The following KLRB1 variants were observed in gnomAD, a reference collection of about 807,000 sequenced individuals.
KLRB1 encodes the protein killer cell lectin-like receptor subfamily B member 1.
A neutral mutation model predicts 33.5 loss-of-function variants in KLRB1; 27 were observed. The observed-to-expected ratio is 0.81, with a 90% CI of 0.59 to 1.11. The LOEUF is 1.11. Ranked by LOEUF, KLRB1 falls within the 50% of genes most tolerant of loss-of-function variation. The pLI is 0.00. For missense variants in KLRB1, 241 were observed against 254.1 expected (o/e 0.95, Z 0.35); for synonymous variants, 64 against 88.9 (o/e 0.72, Z 1.58).
intron 1 of KLRB1, 42 bp from the exon 2 acceptor site, chr12:9,601,641 C>T (rs1591656960): frequency 3.4e-6 from 5 of 1,455,638 alleles, no homozygotes; most frequent in Non-Finnish European, 3.8e-6. Context: ...AACAAACAAA[C>T]GAAACAAAAA....
At chr12:9,605,083 C>T (rs57984884) in intron 1 of KLRB1, among the ~76,000 whole-genome samples, 19,126 of 152,110 alleles carry the variant, frequency 0.13, 1,345 homozygotes, top group African/African-American at 0.17. Context: ...TGAGAATATG[C>T]GGTGTTTGGC....
intron 1 of KLRB1, among the ~76,000 whole-genome samples, chr12:9,607,254 T>TTTTC (rs1301284954): frequency 1.4e-5 from 2 of 146,240 alleles, no homozygotes; most frequent in East Asian, 2.1e-4. Context: ...CTCCTTCTCT[T>TTTTC]TTTCTTTCTT....
At chr12:9,606,064 C>T (rs1864595694) in intron 1 of KLRB1, among the ~76,000 whole-genome samples, 1 of 152,158 alleles carries the variant, frequency 6.6e-6, no homozygotes, top group Non-Finnish European at 1.5e-5. Context: ...TTAGAACCCT[C>T]TGATTTCCTC....
intron 1 of KLRB1, among the ~76,000 whole-genome samples, chr12:9,607,335 C>CCTTTCTTTCTTTCTTCCTTTCTTT (rs1565444534): frequency 2.9e-4 from 19 of 65,162 alleles, no homozygotes; most frequent in East Asian, 6.3e-4. Context: ...CTCTTTCTTT[C>CCTTTCTTTCTTTCTTCCTTTCTTT]CTTTCTTTCT....
intron 1 of KLRB1, among the ~76,000 whole-genome samples, chr12:9,607,002 C>G (rs1159668999): frequency 6.6e-6 from 1 of 151,772 alleles, no homozygotes; most frequent in African/African-American, 2.4e-5. Context: ...AGCAAATCAC[C>G]TTAGCCTACC....
chr12:9,597,094 T>G (rs1205756514), intron 5 of KLRB1, among the ~76,000 whole-genome samples: 1 of 152,186 alleles, frequency 6.6e-6, no homozygotes, highest in African/African-American at 2.4e-5. Flanking sequence ...TTTCTTTCAG[T>G]GTTTAATACT....
At chr12:9,597,912 T>C (rs1864506305) in intron 5 of KLRB1, 134 bp downstream of exon 5, 3 of 562,418 alleles carry the variant, frequency 5.3e-6, no homozygotes, top group African/African-American at 2.0e-5. Context: ...AAATCATCCA[T>C]GTTCTTAGCC....
intron 1 of KLRB1, among the ~76,000 whole-genome samples, chr12:9,604,969 C>A (rs1183342540): frequency 1.3e-5 from 2 of 152,196 alleles, no homozygotes; most frequent in East Asian, 3.9e-4. Context: ...GGTATTTCTC[C>A]TAGTGCTATC....
At chr12:9,600,134 T>C (rs10771925) in intron 2 of KLRB1, among the ~76,000 whole-genome samples, 55,697 of 152,028 alleles carry the variant, frequency 0.37, 11,406 homozygotes, top group South Asian at 0.53. Flanking sequence ...GCCTACAGTC[T>C]CACCTGAACT....
At chr12:9,607,319 T>TC in intron 1 of KLRB1, among the ~76,000 whole-genome samples, 2 of 116,794 alleles carry the variant, frequency 1.7e-5, no homozygotes, top group Non-Finnish European at 3.7e-5. Flanking sequence ...CTTTCTTCTT[T>TC]TCTTTCTCTT....
intron 2 of KLRB1, among the ~76,000 whole-genome samples, chr12:9,600,218 T>A (rs1864526397): frequency 6.6e-6 from 1 of 152,188 alleles, no homozygotes; most frequent in Admixed American, 6.5e-5. Flanking sequence ...GGAATTTTAG[T>A]AAGTACATTA....
At chr12:9,600,888 G>A (rs1321467033) in intron 2 of KLRB1, among the ~76,000 whole-genome samples, 2 of 152,062 alleles carry the variant, frequency 1.3e-5, no homozygotes, top group South Asian at 2.1e-4. Flanking sequence ...CACCCGTAAA[G>A]GTTCTGTGCT....
In KLRB1 at chr12:9,595,441, T is replaced by C; in HGVS notation, c.531-20A>G. 1 of 1,608,782 alleles carries C rather than the reference T, an allele frequency of 6.2e-7. No homozygotes were observed. Among genetic ancestry groups the C allele is most frequent in the Non-Finnish European group, 8.5e-7 (1 of 1,178,532 alleles). ...TCTAAGCTGTGGAGCAAAAGAAAAGTCTGTCTTAGCATTTATGATTTTCTC... is the reference window on the plus strand; with the variant it reads ...TCTAAGCTGTGGAGCAAAAGAAAAGCCTGTCTTAGCATTTATGATTTTCTC... On this transcript the variant is annotated intron_variant, in intron 5 of 5. Coordinates refer to ENST00000229402, the MANE Select transcript of KLRB1 (RefSeq NM_002258.3).
At chr12:9,606,060 C>G (rs1864595638) in intron 1 of KLRB1, among the ~76,000 whole-genome samples, 1 of 152,104 alleles carries the variant, frequency 6.6e-6, no homozygotes, top group Admixed American at 6.6e-5. Context: ...GTTATTAGAA[C>G]CCTCTGATTT....
Position 9,595,047 on chromosome 12 carries a change from T to C in KLRB1, c.*227A>G, listed in dbSNP as rs1171782924. 5 of 503,628 alleles carry C rather than the reference T, an allele frequency of 9.9e-6. No homozygotes were observed. The Admixed American group carries it at 1.4e-4, about 14-fold the overall frequency. 31.2% of individuals were successfully genotyped at this position (503,628 alleles called of 1,614,324 possible). On this transcript the variant is annotated 3_prime_UTR_variant, in exon 6 of 6. Coordinates refer to ENST00000229402, the MANE Select transcript of KLRB1 (RefSeq NM_002258.3). ...TCACTCCTTCACCATAGAATATCAC[T>C]GTTTCTTTAAAACGATGCACGTTTT...
chr12:9,595,065 C>T lies in KLRB1; in HGVS notation c.*209G>A. 3.7e-6 allele frequency: 2 copies of T among 536,994 alleles called. No individual in the cohort carries two copies. Among genetic ancestry groups the T allele is most frequent in the South Asian group, 5.3e-5 (2 of 37,536 alleles). The allele number at this position is 536,994 out of a possible 1,614,324, so 33.3% of individuals were successfully genotyped here. On this transcript the variant is annotated 3_prime_UTR_variant, in exon 6 of 6. Coordinates refer to ENST00000229402, the MANE Select transcript of KLRB1 (RefSeq NM_002258.3). ...ATATCACTGTTTCTTTAAAACGATG[C>T]ACGTTTTTCTCTATGTCTCTGTTTC...
In KLRB1 at chr12:9,606,741, TATATATATATATATATA is replaced by T. The variant is rs1565444198; in HGVS notation, c.85+997_85+1013del. On this transcript the variant is annotated intron_variant, in intron 1 of 5. Transcript: ENST00000229402. ...AAAATATATGTATAAAAAGTATATA[TATATATATATATATATA>T]TATTTTTTTTTTTTTTTTGAGATAG... 1.6e-3 allele frequency among the ~76,000 whole-genome samples: 37 copies of T among 23,534 alleles called. 1 individual carries two copies. Among genetic ancestry groups the T allele is most frequent in the African/African-American group, 5.6e-3 (34 of 6,064 alleles). The allele number at this position is 23,534 out of a possible 152,430, so 15.4% of individuals were successfully genotyped here.
At position 9,595,336 on chromosome 12, in the gene KLRB1, T is replaced by C; in HGVS notation, c.616A>G (p.Ile206Val). The C allele has an allele frequency of 1.2e-6, 2 of 1,612,622 alleles. No individual in the cohort carries two copies. The highest frequency in any genetic ancestry group is 1.3e-5 in the African/African-American group (1 of 74,986). Residue 206 changes from isoleucine (I) to valine (V), a missense_variant, in exon 6 of 6, where the codon ATC (isoleucine) becomes GTC (valine). Physicochemically the swap from Ile to Val is conservative, Grantham distance 29. Coordinates refer to ENST00000229402, the MANE Select transcript of KLRB1 (RefSeq NM_002258.3). Reference sequence around the variant, plus strand: ...AGTTCTTTTTGGCAGATCCATCTGATTTCTGTACTACAGTACTCAGAATAC... The same window carrying C: ...AGTTCTTTTTGGCAGATCCATCTGACTTCTGTACTACAGTACTCAGAATAC... Reference protein sequence around the residue: ...SVYSEYCSTEIRWICQKELTP... With the variant: ...SVYSEYCSTEVRWICQKELTP...
intron 1 of KLRB1, among the ~76,000 whole-genome samples, chr12:9,604,518 C>T (rs1430233580): frequency 6.6e-6 from 1 of 152,154 alleles, no homozygotes; most frequent in Admixed American, 6.5e-5. Flanking sequence ...CCCATCTGGC[C>T]TCCATACGCT....
Sources: allele counts gnomAD v4.1 joint callset (sites outside exome capture counted in the v4.1 genomes callset), GRCh38; gene constraint gnomAD v4.1.1; transcripts MANE v1.5; gene names NCBI Gene and HGNC (gene_info 2026-07-23, HGNC 2026-07-21).